Variants in TRHDE observed in about 807,000 individuals in gnomAD.
TRHDE encodes thyrotropin releasing hormone degrading enzyme.
In TRHDE, 72 loss-of-function variants were observed where a neutral mutation model predicts 125.7. The observed-to-expected ratio is 0.57, with a 90% CI of 0.47 to 0.70. TRHDE has a LOEUF of 0.70. TRHDE is among the 30% of genes least tolerant of loss of function. TRHDE has a pLI of 0.00. For missense variants in TRHDE, 1,110 were observed against 1,327.1 expected, an observed-to-expected ratio of 0.84 and a Z score of 2.54; for synonymous variants, 509 against 509.1, an observed-to-expected ratio of 1.00 and a Z score of 0.00.
intron 3 of TRHDE, among the ~76,000 whole-genome samples, chr12:72,380,751 C>T (rs1249254976): frequency 0.012 from 1,127 of 94,254 alleles, 18 homozygotes; most frequent in African/African-American, 0.074. Flanking sequence ...TCCTTCCTTC[C>T]TTCCTTCCTT....
intron 2 of TRHDE, among the ~76,000 whole-genome samples, chr12:72,161,294 G>A (rs1414251007): frequency 1.3e-5 from 2 of 152,060 alleles, no homozygotes; most frequent in Non-Finnish European, 2.9e-5. Flanking sequence ...TTAGCTGGGC[G>A]TGGTGGCACT....
chr12:72,319,525 A>G (rs74102209), intron 2 of TRHDE, among the ~76,000 whole-genome samples: 10,215 of 152,246 alleles, frequency 0.067, 399 homozygotes, highest in African/African-American at 0.11. Context: ...GAACGCCTCA[A>G]AGGTGTGCTT....
intron 2 of TRHDE, among the ~76,000 whole-genome samples, chr12:72,377,772 G>C (rs183637584): frequency 6.6e-6 from 1 of 152,218 alleles, no homozygotes; most frequent in East Asian, 1.9e-4. Context: ...ATGTCATCTT[G>C]TAAAGCGAGG....
chr12:72,455,524 T>C (rs1875801250), intron 3 of TRHDE, among the ~76,000 whole-genome samples: 1 of 152,176 alleles, frequency 6.6e-6, no homozygotes, highest in African/African-American at 2.4e-5. Context: ...GAAATATCAT[T>C]ATATTTATTT....
At chr12:72,542,092 C>T (rs1384208330) in intron 6 of TRHDE, among the ~76,000 whole-genome samples, 199 bp from the exon 7 acceptor site, 1 of 151,222 alleles carries the variant, frequency 6.6e-6, no homozygotes, top group African/African-American at 2.4e-5. Context: ...GTAGGTTTTA[C>T]ACAAAACTTT....
rs1870860712 is a variant in TRHDE at position 72,573,818 on chromosome 12, G to A, written c.2132-1437G>A. Among the ~76,000 whole-genome samples the A allele has an allele frequency of 3.3e-5, 5 of 151,948 alleles. No individual in the cohort carries two copies. In the South Asian group the frequency reaches 1.0e-3, roughly 31 times the overall value. ...GCATAGTAAAAATTTGGACACTGAAGGCAGGAGATATAAGATGAACCACTT... is the reference window on the plus strand; with the variant it reads ...GCATAGTAAAAATTTGGACACTGAAAGCAGGAGATATAAGATGAACCACTT... On this transcript the variant is annotated intron_variant, in intron 10 of 18. Coordinates refer to ENST00000261180, the MANE Select transcript of TRHDE (RefSeq NM_013381.3).
At chr12:72,304,879 T>A (rs1868316908) in intron 2 of TRHDE, among the ~76,000 whole-genome samples, 1 of 152,176 alleles carries the variant, frequency 6.6e-6, no homozygotes, top group Non-Finnish European at 1.5e-5. Context: ...AGCATGCTGA[T>A]GTCTCTAGGG....
upstream of TRHDE, chr12:72,271,712 C>G (rs1879218706): frequency 1.4e-5 from 5 of 352,250 alleles, no homozygotes; most frequent in Non-Finnish European, 1.1e-5. Flanking sequence ...AAACCCGAAG[C>G]CTGTGTATAT....
At chr12:72,642,546 C>T (rs1412946007) in intron 15 of TRHDE, among the ~76,000 whole-genome samples, 2 of 152,112 alleles carry the variant, frequency 1.3e-5, no homozygotes, top group African/African-American at 2.4e-5. Flanking sequence ...TTTGGCTAAG[C>T]ATTACCCCGG....
intron 2 of TRHDE, among the ~76,000 whole-genome samples, chr12:72,351,483 A>T (rs977756917): frequency 1.3e-5 from 2 of 152,016 alleles, no homozygotes; most frequent in African/African-American, 4.8e-5. Flanking sequence ...TAGAGAAAGC[A>T]GTACAATGCC....
At chr12:72,265,242 C>T (rs1439082524) in intron 2 of TRHDE, among the ~76,000 whole-genome samples, 1 of 151,704 alleles carries the variant, frequency 6.6e-6, no homozygotes, top group East Asian at 1.9e-4. Context: ...AAGAAAAAGC[C>T]ATTTTAGCCA....
At chr12:72,171,665 T>C (rs1876877211) in intron 2 of TRHDE, among the ~76,000 whole-genome samples, 1 of 152,162 alleles carries the variant, frequency 6.6e-6, no homozygotes, top group Non-Finnish European at 1.5e-5. Flanking sequence ...GAGGGATACT[T>C]TTCTCATGCT....
intron 6 of TRHDE, among the ~76,000 whole-genome samples, chr12:72,508,488 G>A (rs1878447214): frequency 6.6e-6 from 1 of 152,168 alleles, no homozygotes; most frequent in Non-Finnish European, 1.5e-5. Flanking sequence ...GACTTACATG[G>A]GGCCTGTAGT....
chr12:72,386,009 CA>C (rs1222335490), intron 3 of TRHDE, among the ~76,000 whole-genome samples: 8 of 152,154 alleles, frequency 5.3e-5, no homozygotes, highest in Admixed American at 1.3e-4. Flanking sequence ...TTGTGCTCAG[CA>C]ATGATAGTAA....
intron 3 of TRHDE, among the ~76,000 whole-genome samples, chr12:72,388,742 T>C (rs1379768722): frequency 6.6e-6 from 1 of 152,076 alleles, no homozygotes; most frequent in Non-Finnish European, 1.5e-5. Context: ...AGGAAATTGT[T>C]GGTGAAAAAT....
chr12:72,362,920 C>G (rs1871169418), intron 2 of TRHDE, among the ~76,000 whole-genome samples: 1 of 151,990 alleles, frequency 6.6e-6, no homozygotes, highest in Non-Finnish European at 1.5e-5. Context: ...TTCCATTGAT[C>G]TATATCTCTG....
chr12:72,659,169 A>G (rs1011958226), intron 18 of TRHDE, among the ~76,000 whole-genome samples: 3 of 152,222 alleles, frequency 2.0e-5, no homozygotes, highest in Admixed American at 6.5e-5. Flanking sequence ...AGGTGGATTC[A>G]GTAAAGACGC....
intron 2 of TRHDE, among the ~76,000 whole-genome samples, chr12:72,192,813 G>A (rs888002481): frequency 6.6e-6 from 1 of 152,044 alleles, no homozygotes; most frequent in African/African-American, 2.4e-5. Flanking sequence ...TATTTTGCTA[G>A]TTGTTATCTT....
chr12:72,102,745 A>G (rs949684989), intron 1 of TRHDE, among the ~76,000 whole-genome samples: 2 of 152,222 alleles, frequency 1.3e-5, no homozygotes, highest in Admixed American at 6.5e-5. Context: ...GAAGATGAAC[A>G]TGAGGCTGAG....
Sources: allele counts gnomAD v4.1 joint callset (sites outside exome capture counted in the v4.1 genomes callset), GRCh38; gene constraint gnomAD v4.1.1; transcripts MANE v1.5; gene names NCBI Gene and HGNC (gene_info 2026-07-23, HGNC 2026-07-21).